The following TBC1D32 variants were observed in gnomAD, a reference collection of about 807,000 sequenced individuals.
TBC1D32 encodes the protein TBC1 domain family member 32.
In TBC1D32, 151 loss-of-function variants were observed where a neutral mutation model predicts 170.3. That is an observed-to-expected ratio of 0.89 (90% confidence interval 0.78 to 1.01). TBC1D32 has a LOEUF of 1.01. Among genes scored for constraint, TBC1D32 ranks in the 50% least tolerant of loss-of-function variants. The pLI, the probability that TBC1D32 is intolerant of heterozygous loss-of-function variation, is 0.00. For missense variants in TBC1D32, 1,464 were observed against 1,457.1 expected, an observed-to-expected ratio of 1.00 and a Z score of -0.08; for synonymous variants, 498 against 488.0, an observed-to-expected ratio of 1.02 and a Z score of -0.27.
intron 21 of TBC1D32, among the ~76,000 whole-genome samples, chr6:121,208,436 G>C (rs760873098): frequency 8.5e-5 from 13 of 152,048 alleles, no homozygotes; most frequent in Non-Finnish European, 1.3e-4. Context: ...CTTATGAGAA[G>C]TCAGTTGCTA....
intron 22 of TBC1D32, among the ~76,000 whole-genome samples, chr6:121,197,100 G>A (rs907692511): frequency 6.6e-6 from 1 of 152,134 alleles, no homozygotes; most frequent in Admixed American, 6.5e-5. Flanking sequence ...GACTAAGAAG[G>A]GAGTTACAGT....
At chr6:121,294,808 C>A in intron 10 of TBC1D32, 148 bp from the exon 11 acceptor site, 1 of 665,286 alleles carries the variant, frequency 1.5e-6, no homozygotes, top group Non-Finnish European at 2.7e-6. Flanking sequence ...TAAAGCTCAG[C>A]CTCCTCAATT....
intron 29 of TBC1D32, among the ~76,000 whole-genome samples, chr6:121,108,833 T>C (rs944356268): frequency 6.6e-6 from 1 of 152,180 alleles, no homozygotes; most frequent in African/African-American, 2.4e-5. Context: ...CAGTCTAGTC[T>C]GGTCCAGTCT....
At chr6:121,087,302 T>C (rs1776358002) in intron 31 of TBC1D32, among the ~76,000 whole-genome samples, 1 of 152,222 alleles carries the variant, frequency 6.6e-6, no homozygotes, top group Non-Finnish European at 1.5e-5. Flanking sequence ...TCACACCACC[T>C]TCTGATCCAA....
chr6:121,250,472 C>A (rs911447868), intron 17 of TBC1D32, among the ~76,000 whole-genome samples: 8 of 152,096 alleles, frequency 5.3e-5, no homozygotes, highest in African/African-American at 1.9e-4. Context: ...ATAAACAGAA[C>A]CAATGACAAA....
intron 21 of TBC1D32, among the ~76,000 whole-genome samples, chr6:121,221,209 T>C (rs978892398): frequency 5.9e-5 from 9 of 152,174 alleles, no homozygotes; most frequent in Admixed American, 2.6e-4. Context: ...ACAGTACATA[T>C]GTGACTGCAT....
At chr6:121,215,245 C>T (rs965397259) in intron 21 of TBC1D32, among the ~76,000 whole-genome samples, 5 of 152,218 alleles carry the variant, frequency 3.3e-5, no homozygotes, top group East Asian at 1.9e-4. Flanking sequence ...ATTGGCAGCT[C>T]GGCCCTCATA....
intron 31 of TBC1D32, among the ~76,000 whole-genome samples, chr6:121,086,293 A>T (rs1776268198): frequency 1.3e-5 from 2 of 152,186 alleles, no homozygotes; most frequent in Non-Finnish European, 2.9e-5. Context: ...TGAGTGGCAA[A>T]GTTAGAATTT....
intron 24 of TBC1D32, among the ~76,000 whole-genome samples, chr6:121,154,122 T>C (rs1034688972): frequency 1.3e-5 from 2 of 151,650 alleles, no homozygotes; most frequent in Non-Finnish European, 2.9e-5. Context: ...CCTTGTGGTG[T>C]AGGCACCCAA....
intron 30 of TBC1D32, among the ~76,000 whole-genome samples, chr6:121,104,581 A>C (rs1778494479): frequency 6.6e-6 from 1 of 151,776 alleles, no homozygotes; most frequent in Admixed American, 6.6e-5. Context: ...GGAGAAGATA[A>C]GTAAGTTGAC....
intron 1 of TBC1D32, among the ~76,000 whole-genome samples, chr6:121,332,669 T>A (rs1013156315): frequency 1.3e-5 from 2 of 152,156 alleles, no homozygotes; most frequent in African/African-American, 4.8e-5. Flanking sequence ...TTTATGTGGA[T>A]GTGTGTGAGG....
intron 20 of TBC1D32, among the ~76,000 whole-genome samples, chr6:121,230,529 G>C (rs1215764802): frequency 6.6e-6 from 1 of 151,966 alleles, no homozygotes; most frequent in African/African-American, 2.4e-5. Context: ...GTGATGTTAA[G>C]CCACCTGTAA....
chr6:121,309,133 C>T (rs1277857256), intron 4 of TBC1D32, among the ~76,000 whole-genome samples: 2 of 152,068 alleles, frequency 1.3e-5, no homozygotes, highest in Non-Finnish European at 2.9e-5. Context: ...TGAAAGAACT[C>T]CTCAATATAA....
At position 121,294,924 on chromosome 6, in the gene TBC1D32, T is replaced by C. The variant is rs371314671; in HGVS notation, c.1141-264A>G. Among the ~76,000 whole-genome samples, 4 of 152,260 alleles carry C rather than the reference T, an allele frequency of 2.6e-5. No homozygotes were observed. The East Asian group carries it at 5.8e-4, about 22-fold the overall frequency. On this transcript the variant is annotated intron_variant, in intron 10 of 31. Coordinates refer to ENST00000398212, the MANE Select transcript of TBC1D32 (RefSeq NM_152730.6). Reference sequence around the variant, plus strand: ...GTGTCATTGGACAGAAATAAATATGTAATTTATATTTTATAGTGAAAAACG... The same window carrying C: ...GTGTCATTGGACAGAAATAAATATGCAATTTATATTTTATAGTGAAAAACG...
intron 29 of TBC1D32, among the ~76,000 whole-genome samples, chr6:121,111,598 A>C (rs1171757067): frequency 2.0e-5 from 3 of 152,186 alleles, no homozygotes; most frequent in African/African-American, 7.2e-5. Context: ...CTCTGTGTTC[A>C]TGGGAGGAAA....
At chr6:121,190,803 G>A (rs1189500959) in intron 22 of TBC1D32, among the ~76,000 whole-genome samples, 1 of 152,124 alleles carries the variant, frequency 6.6e-6, no homozygotes, top group Non-Finnish European at 1.5e-5. Flanking sequence ...ATGATTCTAT[G>A]AAGTTTAGTG....
chr6:121,253,587 T>C (rs1472424826), intron 17 of TBC1D32, among the ~76,000 whole-genome samples: 4 of 151,874 alleles, frequency 2.6e-5, no homozygotes, highest in Admixed American at 6.6e-5. Flanking sequence ...GGCGTGGTGG[T>C]GGGCGCCTGT....
intron 17 of TBC1D32, among the ~76,000 whole-genome samples, chr6:121,243,930 T>G (rs896315662): frequency 6.6e-6 from 1 of 151,994 alleles, no homozygotes; most frequent in African/African-American, 2.4e-5. Context: ...ATTGCTACAG[T>G]TAATATAGAT....
rs1182300691 is a variant in TBC1D32 at position 121,303,681 on chromosome 6, A to G, written c.1016T>C (p.Ile339Thr). The G allele has an allele frequency of 1.3e-6, 2 of 1,597,696 alleles. No homozygotes were observed. The highest frequency in any genetic ancestry group is 1.3e-5 in the African/African-American group (1 of 74,844). Residue 339 changes from isoleucine to threonine, a missense_variant, in exon 9 of 32, where the codon ATT (isoleucine) becomes ACT (threonine). Around this residue, in one of 3 missense-constraint regions of TBC1D32, gnomAD observed 1,363 missense variants for 1,338.1 expected, o/e 1.02. Transcript: ENST00000398212. ...TGCAAAAAAGTAGATCGGATCCAAA[A>G]TCTTTTGTGAGACAACATGGCTTTG... Reference protein sequence around the residue: ...HNQSHVVSQKILDPIYFFALV... With the variant: ...HNQSHVVSQKTLDPIYFFALV...
Sources: allele counts gnomAD v4.1 joint callset (sites outside exome capture counted in the v4.1 genomes callset), GRCh38; gene constraint gnomAD v4.1.1; regional missense constraint gnomAD v4.1.1; transcripts MANE v1.5; gene names NCBI Gene and HGNC (gene_info 2026-07-23, HGNC 2026-07-21).